OPRD1: variants seen among roughly 807,000 people sequenced by gnomAD.
OPRD1 encodes the protein opioid receptor delta 1.
Under a neutral mutation model 17.5 loss-of-function variants are expected in OPRD1, and 19 were observed. The ratio of observed to expected loss-of-function variants is 1.09; its 90% CI spans 0.76 to 1.60. The LOEUF is 1.60. Ranked by LOEUF, OPRD1 falls within the 40% of genes most tolerant of loss-of-function variation. The probability of loss-of-function intolerance (pLI) is 0.00; values close to 1 mark genes in which losing one functional copy is unlikely to be tolerated. For synonymous variants in OPRD1, 256 were observed against 240.9 expected (o/e 1.06, Z -0.58); for missense variants, 483 against 547.2 (o/e 0.88, Z 1.17).
intron 1 of OPRD1, among the ~76,000 whole-genome samples, chr1:28,823,103 T>G (rs896197956): frequency 2.6e-5 from 4 of 152,014 alleles, no homozygotes; most frequent in African/African-American, 9.7e-5. Flanking sequence ...TTCTACTGAT[T>G]TATAGTTCCC....
intron 1 of OPRD1, among the ~76,000 whole-genome samples, chr1:28,858,343 T>C (rs913432353): frequency 7.5e-6 from 1 of 132,536 alleles, no homozygotes; most frequent in African/African-American, 2.8e-5. Context: ...CTCGATCTCC[T>C]GACCTCGTGA....
intron 1 of OPRD1, among the ~76,000 whole-genome samples, chr1:28,823,645 T>C (rs1235904228): frequency 6.6e-6 from 1 of 151,908 alleles, no homozygotes; most frequent in Admixed American, 6.6e-5. Flanking sequence ...CCGCCTGCCT[T>C]GGTCTCCCAA....
intron 1 of OPRD1, among the ~76,000 whole-genome samples, chr1:28,850,666 C>T (rs920030771): frequency 2.6e-5 from 4 of 151,728 alleles, no homozygotes; most frequent in Non-Finnish European, 5.9e-5. Context: ...ACCTGCGACC[C>T]CAGCTACTCA....
At chr1:28,829,097 C>T (rs1191653611) in intron 1 of OPRD1, among the ~76,000 whole-genome samples, 2 of 152,010 alleles carry the variant, frequency 1.3e-5, no homozygotes, top group African/African-American at 4.8e-5. Context: ...TATCTTACTC[C>T]AATAGAAGGC....
At position 28,835,192 on chromosome 1, in the gene OPRD1, T is replaced by C. The variant is rs111313291; in HGVS notation, c.227+22582T>C. 5.9e-3 allele frequency among the ~76,000 whole-genome samples: 899 copies of C among 152,250 alleles called. 8 individuals are homozygous for C. Among genetic ancestry groups the C allele is most frequent in the African/African-American group, 0.02 (819 of 41,546 alleles). On this transcript the variant is annotated intron_variant, in intron 1 of 2. Coordinates refer to ENST00000234961, the MANE Select transcript of OPRD1 (RefSeq NM_000911.4). ...GGGAGTCTGCGTTCTTGGGCCCCCA[T>C]TGTGCCTGCTGCCCCATCCCTGGTC...
intron 2 of OPRD1, among the ~76,000 whole-genome samples, chr1:28,860,237 C>T (rs11803432): frequency 0.016 from 2,393 of 151,978 alleles, 71 homozygotes; most frequent in African/African-American, 0.054. Flanking sequence ...TGGTGGTGGG[C>T]GTCTGTAGTC....
chr1:28,834,605 C>G (rs1250046666), intron 1 of OPRD1, among the ~76,000 whole-genome samples: 1 of 151,862 alleles, frequency 6.6e-6, no homozygotes, highest in Non-Finnish European at 1.5e-5. Flanking sequence ...GTCTCGAACT[C>G]TTGAGCTCAA....
chr1:28,848,050 G>A (rs1466669570), intron 1 of OPRD1, among the ~76,000 whole-genome samples: 3 of 151,928 alleles, frequency 2.0e-5, no homozygotes, highest in African/African-American at 7.3e-5. Flanking sequence ...AGTTCCAGAC[G>A]AATCTGGCCA....
intron 1 of OPRD1, among the ~76,000 whole-genome samples, chr1:28,850,810 TAATA>T (rs1467961901): frequency 7.3e-6 from 1 of 137,654 alleles, no homozygotes; most frequent in Non-Finnish European, 1.5e-5. Flanking sequence ...ATAATAATAA[TAATA>T]ATAATAATAA....
At chr1:28,861,093 G>T (rs1026221574) in intron 2 of OPRD1, among the ~76,000 whole-genome samples, 2 of 152,158 alleles carry the variant, frequency 1.3e-5, no homozygotes, top group Non-Finnish European at 2.9e-5. Flanking sequence ...GTGCTGTTCT[G>T]GTTCCTATAC....
At chr1:28,823,188 GTCT>G (rs1464703551) in intron 1 of OPRD1, among the ~76,000 whole-genome samples, 2 of 135,674 alleles carry the variant, frequency 1.5e-5, no homozygotes, top group Non-Finnish European at 3.1e-5. Flanking sequence ...TTCTTCTGTA[GTCT>G]TTTTTTTTTT....
intron 2 of OPRD1, among the ~76,000 whole-genome samples, chr1:28,860,521 G>A (rs1569656988): frequency 6.6e-6 from 1 of 152,184 alleles, no homozygotes; most frequent in African/African-American, 2.4e-5. Context: ...GAGATGTTGA[G>A]AAGGTTAAAA....
intron 1 of OPRD1, among the ~76,000 whole-genome samples, chr1:28,844,164 G>GTTTTTTTTT (rs60241573): frequency 1.5e-5 from 2 of 137,930 alleles, no homozygotes; most frequent in Non-Finnish European, 1.6e-5. Flanking sequence ...CTTGATTTCT[G>GTTTTTTTTT]TTTTTTTTTT....
At chr1:28,844,711 G>A (rs1222021302) in intron 1 of OPRD1, among the ~76,000 whole-genome samples, 1 of 152,082 alleles carries the variant, frequency 6.6e-6, no homozygotes, top group Admixed American at 6.6e-5. Context: ...CATTCCATGA[G>A]TGACCTTTTC....
intron 1 of OPRD1, among the ~76,000 whole-genome samples, chr1:28,847,612 T>C (rs1342955737): frequency 1.3e-5 from 2 of 151,954 alleles, no homozygotes; most frequent in Non-Finnish European, 2.9e-5. Flanking sequence ...GGTGGGTGGA[T>C]TGCTTGAGCC....
intron 2 of OPRD1, among the ~76,000 whole-genome samples, chr1:28,860,944 C>T (rs937040479): frequency 2.0e-5 from 3 of 152,164 alleles, no homozygotes; most frequent in East Asian, 1.9e-4. Flanking sequence ...CTTCAGCTTA[C>T]GGGCCATTAA....
At chr1:28,848,386 A>G (rs1014411893) in intron 1 of OPRD1, among the ~76,000 whole-genome samples, 2 of 152,172 alleles carry the variant, frequency 1.3e-5, no homozygotes, top group South Asian at 2.1e-4. Context: ...AATCTAAGCC[A>G]GGGTCCCTCC....
At chr1:28,852,885 A>AT (rs1474607201) in intron 1 of OPRD1, among the ~76,000 whole-genome samples, 5 of 151,724 alleles carry the variant, frequency 3.3e-5, no homozygotes, top group Non-Finnish European at 5.9e-5. Context: ...CACCCAGCTA[A>AT]TTTTTTGTAT....
intron 1 of OPRD1, among the ~76,000 whole-genome samples, chr1:28,831,022 A>G (rs1042751459): frequency 3.3e-5 from 5 of 152,252 alleles, no homozygotes; most frequent in Non-Finnish European, 7.3e-5. Context: ...TCCCCACCAG[A>G]TGCCCCTGCA....
Sources: gnomAD v4.1 joint callset for allele counts (sites outside exome capture counted in the v4.1 genomes callset) on GRCh38, gnomAD v4.1.1 for gene constraint, MANE v1.5 for transcripts, NCBI Gene and HGNC (gene_info 2026-07-23, HGNC 2026-07-21) for gene names.